CLEC16A: variants seen among roughly 807,000 people sequenced by gnomAD.
CLEC16A encodes protein CLEC16A.
CLEC16A carries 51 observed loss-of-function variants against 109.5 expected under a neutral mutation model. The observed-to-expected ratio is 0.47, with a 90% CI of 0.37 to 0.59. CLEC16A has a LOEUF of 0.59. Among genes scored for constraint, CLEC16A ranks in the 20% least tolerant of loss-of-function variants. The pLI, the probability that CLEC16A is intolerant of heterozygous loss-of-function variation, is 0.00. For synonymous variants in CLEC16A, 673 were observed against 564.2 expected (o/e 1.19, Z -2.73); for missense variants, 1,339 against 1,394.0 (o/e 0.96, Z 0.63).
chr16:10,972,853 T>G (rs1404710681), intron 6 of CLEC16A, 85 bp from the exon 7 acceptor site: 6 of 1,426,848 alleles, frequency 4.2e-6, no homozygotes, highest in Non-Finnish European at 5.6e-6. Context: ...GTTTTTGGGT[T>G]TTGCTTTGTT....
intron 10 of CLEC16A, among the ~76,000 whole-genome samples, chr16:10,984,988 T>G (rs2043540627): frequency 6.6e-6 from 1 of 151,970 alleles, no homozygotes; most frequent in Admixed American, 6.6e-5. Flanking sequence ...GATCACCGGG[T>G]CAGGAGATCG....
chr16:10,980,532 G>A (rs974831376), intron 9 of CLEC16A, among the ~76,000 whole-genome samples: 14 of 151,976 alleles, frequency 9.2e-5, no homozygotes, highest in East Asian at 1.9e-4. Context: ...AGCATTGCCC[G>A]GGCAGGGTCT....
At chr16:11,160,817 A>G (rs952314772) in intron 22 of CLEC16A, among the ~76,000 whole-genome samples, 1 of 152,196 alleles carries the variant, frequency 6.6e-6, no homozygotes, top group Non-Finnish European at 1.5e-5. Flanking sequence ...TGCTGTCCCT[A>G]ATGTGTGATT....
intron 22 of CLEC16A, among the ~76,000 whole-genome samples, chr16:11,143,401 G>A (rs1190437873): frequency 6.6e-6 from 1 of 152,112 alleles, no homozygotes; most frequent in Non-Finnish European, 1.5e-5. Context: ...GAGACATAGG[G>A]TTCATCAAGG....
chr16:11,091,965 C>G lies in CLEC16A; in HGVS notation c.2117-28650C>G, dbSNP rs368878973. Among the ~76,000 whole-genome samples, 9 of 152,236 alleles carry G rather than the reference C, an allele frequency of 5.9e-5. No individual in the cohort carries two copies. In the East Asian group the frequency reaches 1.4e-3, roughly 23 times the overall value. ...TGGGTTTGCTTCCTCAGAAGGCTTC[C>G]CCGTCGGCTGCCCTCTCTCACTGTA... On this transcript the variant is annotated intron_variant, in intron 19 of 23. Transcript: ENST00000409790.
intron 14 of CLEC16A, 103 bp from the exon 15 acceptor site, chr16:11,042,151 G>A: frequency 1.3e-6 from 1 of 783,144 alleles, no homozygotes; most frequent in African/African-American, 1.7e-5. Context: ...TGAGCAGTTG[G>A]TCTATCATGT....
chr16:11,027,298 G>C (rs377226076), intron 13 of CLEC16A: 3 of 1,528,060 alleles, frequency 2.0e-6, no homozygotes, highest in Admixed American at 3.3e-5. Flanking sequence ...TTTGTTGTAC[G>C]CATCGAAAGG....
chr16:11,107,783 G>A (rs770284933), intron 19 of CLEC16A, among the ~76,000 whole-genome samples: 4 of 152,220 alleles, frequency 2.6e-5, no homozygotes, highest in Admixed American at 6.5e-5. Flanking sequence ...CCAAGGAAAC[G>A]TGATTTGTTT....
chr16:11,105,288 G>A (rs2051150547), intron 19 of CLEC16A, among the ~76,000 whole-genome samples: 2 of 152,286 alleles, frequency 1.3e-5, no homozygotes, highest in Non-Finnish European at 2.9e-5. Flanking sequence ...CTTGGACTCG[G>A]TTTCTGGTAA....
At chr16:11,137,664 C>A (rs1361216721) in intron 22 of CLEC16A, among the ~76,000 whole-genome samples, 1 of 150,266 alleles carries the variant, frequency 6.7e-6, no homozygotes, top group Admixed American at 6.6e-5. Flanking sequence ...CAAAAAGTAG[C>A]CGGGCGTGGT....
At chr16:11,035,909 G>A (rs1403091212) in intron 13 of CLEC16A, 2 of 152,304 alleles carry the variant, frequency 1.3e-5, no homozygotes, top group African/African-American at 4.8e-5. Context: ...GGCCATGGTG[G>A]GAAAAAGAGC....
At chr16:11,130,129 A>G (rs183263704) in intron 22 of CLEC16A, among the ~76,000 whole-genome samples, 3 of 152,306 alleles carry the variant, frequency 2.0e-5, no homozygotes, top group Admixed American at 6.5e-5. Context: ...GTGCCTGGTC[A>G]TAGTCTTTCT....
intron 18 of CLEC16A, among the ~76,000 whole-genome samples, chr16:11,054,696 T>G (rs577983444): frequency 3.3e-5 from 5 of 152,238 alleles, no homozygotes; most frequent in Non-Finnish European, 7.3e-5. Flanking sequence ...GAAGGGTGGC[T>G]TTGGCCACTC....
At chr16:11,049,334 G>A (rs1408995713) in intron 17 of CLEC16A, among the ~76,000 whole-genome samples, 2 of 152,110 alleles carry the variant, frequency 1.3e-5, no homozygotes, top group South Asian at 2.1e-4. Flanking sequence ...GTAAGGTGGG[G>A]GATCCCTACC....
chr16:11,125,909 C>G (rs1304305739), intron 21 of CLEC16A, 70 bp from the exon 22 acceptor site: 4 of 210,870 alleles, frequency 1.9e-5, no homozygotes, highest in African/African-American at 2.6e-5. Flanking sequence ...CGATGTCCCC[C>G]CCCCCAAATT....
chr16:10,986,258 C>T (rs1342435187), intron 10 of CLEC16A, among the ~76,000 whole-genome samples: 3 of 151,690 alleles, frequency 2.0e-5, no homozygotes, highest in Non-Finnish European at 1.5e-5. Context: ...TCTCAATCTC[C>T]TGACCTCGTG....
intron 19 of CLEC16A, among the ~76,000 whole-genome samples, chr16:11,118,905 A>G (rs1441169381): frequency 6.6e-6 from 1 of 152,152 alleles, no homozygotes; most frequent in African/African-American, 2.4e-5. Flanking sequence ...TTCTTTCCCC[A>G]GCGTATGTTC....
At position 10,971,155 on chromosome 16, in the gene CLEC16A, G is replaced by A; in HGVS notation, c.523G>A (p.Ala175Thr). Residue 175 changes from alanine to threonine, a missense_variant, in exon 5 of 24, where the codon GCC becomes ACC. Physicochemically the swap from Ala to Thr is moderately conservative, Grantham distance 58. This residue lies in a region of CLEC16A where 161 missense variants were observed against 267.1 expected (regional missense o/e 0.60). Coordinates refer to ENST00000409790, the MANE Select transcript of CLEC16A (RefSeq NM_015226.3). ...HTNDFALYTE[A>T]IKFFNHPESM... is the part of the protein sequence containing the mutation. ...CAATGACTTTGCCCTGTACACAGAA[G>A]CCATCAAGTTTTTCAACCACCCTGA... The A allele has an allele frequency of 6.2e-7, 1 of 1,613,516 alleles. No homozygotes were observed. Among genetic ancestry groups the A allele is most frequent in the Non-Finnish European group, 8.5e-7 (1 of 1,179,536 alleles).
rs937046999 is a variant in CLEC16A, at chr16:11,061,145, G to A, written c.2116+123G>A. The A allele has an allele frequency of 8.6e-6, 10 of 1,169,102 alleles. No homozygotes were observed. In the Middle Eastern group the frequency reaches 9.6e-4, roughly 113 times the overall value. The allele number at this position is 1,169,102 out of a possible 1,614,324, so 72.4% of individuals were successfully genotyped here. On this transcript the variant is annotated intron_variant, in intron 19 of 23. Transcript: ENST00000409790. The stretch of plus-strand genomic sequence containing the variant: ...AACCTACATTTTGTACTATTATTGA[G>A]CTGTGACCTTGAGCCAGCGGTGTGC...
Sources: gnomAD v4.1 joint callset for allele counts (sites outside exome capture counted in the v4.1 genomes callset) on GRCh38, gnomAD v4.1.1 for gene constraint, gnomAD v4.1.1 regional missense constraint, MANE v1.5 for transcripts, NCBI Gene and HGNC (gene_info 2026-07-23, HGNC 2026-07-21) for gene names.